DSE: variants seen among roughly 807,000 people sequenced by gnomAD.
The protein encoded by DSE is dermatan sulfate epimerase.
A neutral mutation model predicts 84.4 loss-of-function variants in DSE; 36 were observed. That is an observed-to-expected ratio of 0.43 (90% CI 0.33 to 0.56). The LOEUF (loss-of-function observed/expected upper bound fraction) is 0.56, where lower values mean the gene tolerates loss of function less well. Among genes scored for constraint, DSE ranks in the 20% least tolerant of loss-of-function variants. The pLI is 0.06. For missense variants in DSE, 862 were observed against 1,169.6 expected (o/e 0.74, Z 3.84); for synonymous variants, 410 against 430.1 (o/e 0.95, Z 0.58).
chr6:116,372,728 T>C (rs1191505386), intron 1 of DSE, among the ~76,000 whole-genome samples: 1 of 152,180 alleles, frequency 6.6e-6, no homozygotes, highest in African/African-American at 2.4e-5. Flanking sequence ...ATGGAGAAGA[T>C]AACAGATTGA....
Position 116,436,559 on chromosome 6 carries a change from C to G in DSE, c.2091C>G (p.Tyr697Ter). The stretch of plus-strand genomic sequence containing the variant: ...CCAGCAAACATGCCTACGCCACATA[C>G]CTGTGGACAGGTGAGGCCACAGGAC... ...IATSKHAYATYLWTGEATGQS... is the reference protein window; with the variant it reads ...IATSKHAYAT The change falls in exon 6 of 6, where the codon TAC (tyrosine) becomes TAG (stop). Residue 697 changes from tyrosine (Y) to a stop codon, truncating the protein, a stop_gained. Transcript: ENST00000644252. LOFTEE classifies it high-confidence loss of function. The G allele has an allele frequency of 6.2e-7, 1 of 1,614,172 alleles. No individual in the cohort carries two copies. The highest frequency in any genetic ancestry group is 8.5e-7 in the Non-Finnish European group (1 of 1,180,024).
At chr6:116,344,036 A>G (rs1369436336) in intron 2 of DSE, among the ~76,000 whole-genome samples, 2 of 152,230 alleles carry the variant, frequency 1.3e-5, no homozygotes, top group African/African-American at 4.8e-5. Context: ...AAAGGGTATC[A>G]GTGATTGAAG....
chr6:116,277,719 T>G (rs550737675), intron 2 of DSE: 1 of 152,018 alleles, frequency 6.6e-6, no homozygotes, highest in Non-Finnish European at 1.5e-5. Flanking sequence ...CTGGCCAGCA[T>G]GGTGAAACCC....
chr6:116,372,493 A>G lies in DSE; in HGVS notation c.-54+1372A>G, dbSNP rs569034623. 1.4e-4 allele frequency among the ~76,000 whole-genome samples: 22 copies of G among 152,302 alleles called. No homozygotes were observed. The South Asian group carries it at 2.1e-3, about 14-fold the overall frequency. ...AACAAAATTCTCAATGATAATCTCT[A>G]TGTGAAATAGTGATAAACAATATTG... On this transcript the variant is annotated intron_variant, in intron 1 of 5. Coordinates refer to ENST00000644252, the MANE Select transcript of DSE (RefSeq NM_013352.4).
chr6:116,310,875 C>G (rs887998343), intron 2 of DSE, among the ~76,000 whole-genome samples: 21 of 152,194 alleles, frequency 1.4e-4, no homozygotes, highest in African/African-American at 5.1e-4. Context: ...TCCCATTACA[C>G]TTATAATGAA....
chr6:116,261,828 G>T (rs1772427127), intron 2 of DSE, among the ~76,000 whole-genome samples: 2 of 152,194 alleles, frequency 1.3e-5, no homozygotes, highest in Middle Eastern at 3.4e-3. Context: ...TTTATTGAAG[G>T]CCTTTTCTGC....
In DSE at chr6:116,435,734, G is replaced by A. The variant is rs1302542625; in HGVS notation, c.1266G>A (p.Leu422=). 1 of 1,614,038 alleles carries A rather than the reference G, an allele frequency of 6.2e-7. No homozygotes were observed. Among genetic ancestry groups the A allele is most frequent in the Admixed American group, 1.7e-5 (1 of 60,004 alleles). Residue 422 remains leucine (L), a synonymous_variant, in exon 6 of 6, where the codon CTG becomes CTA. Transcript: ENST00000644252. The stretch of plus-strand genomic sequence containing the variant: ...TCCTTTCCTTCAAGTCTGGAAAACT[G>A]GGGGGACGTGCAATATATGACATTG... ...RSFLSFKSGK[L]GGRAIYDIVH...
At chr6:116,362,510 C>G (rs148528052) in intron 2 of DSE, among the ~76,000 whole-genome samples, 1 of 152,186 alleles carries the variant, frequency 6.6e-6, no homozygotes, top group Non-Finnish European at 1.5e-5. Context: ...ATCACTCTAT[C>G]TCCATGTGCA....
chr6:116,269,066 G>C (rs754900080), intron 2 of DSE, among the ~76,000 whole-genome samples: 7 of 150,384 alleles, frequency 4.7e-5, no homozygotes, highest in African/African-American at 9.8e-5. Flanking sequence ...GCTTTCACCA[G>C]TCTTAAGAGA....
chr6:116,279,080 G>A (rs763319875), intron 2 of DSE: 3 of 1,613,524 alleles, frequency 1.9e-6, no homozygotes, highest in Non-Finnish European at 2.5e-6. Context: ...TCCAGCTGTT[G>A]GAAGGCCCTG....
chr6:116,340,290 A>G (rs1457714442), intron 2 of DSE, among the ~76,000 whole-genome samples: 1 of 152,112 alleles, frequency 6.6e-6, no homozygotes, highest in Non-Finnish European at 1.5e-5. Context: ...GATGTCCCAC[A>G]GGTCTCTTTT....
chr6:116,269,018 T>A (rs199800364), intron 2 of DSE, among the ~76,000 whole-genome samples: 4 of 145,944 alleles, frequency 2.7e-5, no homozygotes, highest in Admixed American at 6.8e-5. Flanking sequence ...GATAATACTT[T>A]AAAAAAAAAA....
At chr6:116,279,299 C>G (rs1363229430) in intron 2 of DSE, 2 of 1,463,174 alleles carry the variant, frequency 1.4e-6, no homozygotes, top group Non-Finnish European at 1.8e-6. Flanking sequence ...GCCAGGCCTT[C>G]CTTCACCACC....
intron 2 of DSE, chr6:116,279,136 A>G: frequency 3.7e-6 from 6 of 1,614,092 alleles, no homozygotes; most frequent in Non-Finnish European, 5.1e-6. Context: ...GATGGCCTCC[A>G]GAGGGTCCAT....
chr6:116,259,081 G>A, intron 2 of DSE: 2 of 1,544,546 alleles, frequency 1.3e-6, no homozygotes, highest in Admixed American at 1.7e-5. Flanking sequence ...TGGGGTCTCT[G>A]CCACTGCTGG....
At chr6:116,256,526 A>G (rs909972800) in intron 1 of DSE, 11 of 152,232 alleles carry the variant, frequency 7.2e-5, no homozygotes, top group African/African-American at 2.7e-4. Flanking sequence ...AATGTTATGC[A>G]GCAAATGACC....
At chr6:116,290,878 G>A (rs1339174483) in intron 2 of DSE, among the ~76,000 whole-genome samples, 2 of 152,140 alleles carry the variant, frequency 1.3e-5, no homozygotes, top group Non-Finnish European at 2.9e-5. Context: ...TTGATTGAAT[G>A]CTGATCCTAG....
intron 2 of DSE, among the ~76,000 whole-genome samples, chr6:116,353,978 A>T (rs1778454010): frequency 6.6e-6 from 1 of 152,206 alleles, no homozygotes; most frequent in African/African-American, 2.4e-5. Context: ...TCAGATACTG[A>T]ATTATAATGC....
intron 2 of DSE, among the ~76,000 whole-genome samples, chr6:116,261,978 G>C (rs1321933805): frequency 6.6e-6 from 1 of 152,158 alleles, no homozygotes. Context: ...TTTTTGATGT[G>C]CGGCTGGATT....
Sources: gnomAD v4.1 joint callset for allele counts (sites outside exome capture counted in the v4.1 genomes callset) on GRCh38, gnomAD v4.1.1 for gene constraint, MANE v1.5 for transcripts, NCBI Gene and HGNC (gene_info 2026-07-23, HGNC 2026-07-21) for gene names.